The following MYO1B variants were observed in gnomAD, a reference collection of about 807,000 sequenced individuals.
MYO1B encodes unconventional myosin-Ib.
MYO1B carries 72 observed loss-of-function variants against 159.7 expected under a neutral mutation model. The observed-to-expected ratio is 0.45, with a 90% CI of 0.37 to 0.55. MYO1B has a LOEUF of 0.55. Ranked by LOEUF, MYO1B falls within the 20% of genes least tolerant of loss-of-function variation. The probability of loss-of-function intolerance (pLI) is 0.00; values close to 1 mark genes in which losing one functional copy is unlikely to be tolerated. For synonymous variants in MYO1B, 468 were observed against 473.8 expected, an observed-to-expected ratio of 0.99 and a Z score of 0.16; for missense variants, 1,062 against 1,364.8, an observed-to-expected ratio of 0.78 and a Z score of 3.50.
At chr2:191,336,860 T>C (rs529992987) in intron 4 of MYO1B, among the ~76,000 whole-genome samples, 39 of 152,206 alleles carry the variant, frequency 2.6e-4, no homozygotes, top group African/African-American at 8.7e-4. Context: ...TAGAAAAACT[T>C]TGGTGTCTTA....
chr2:191,285,320 G>A (rs573821736), intron 2 of MYO1B, among the ~76,000 whole-genome samples: 144 of 152,292 alleles, frequency 9.5e-4, no homozygotes, highest in Non-Finnish European at 1.6e-3. Flanking sequence ...CTCATATATA[G>A]TTCTTTAATT....
At chr2:191,368,974 C>T (rs767637225) in intron 11 of MYO1B, among the ~76,000 whole-genome samples, 5 of 151,164 alleles carry the variant, frequency 3.3e-5, no homozygotes, top group Non-Finnish European at 5.9e-5. Context: ...ATTCTGTCTC[C>T]AAAAAAATTT....
intron 21 of MYO1B, among the ~76,000 whole-genome samples, chr2:191,399,268 GGGGA>G (rs1314380304): frequency 1.4e-5 from 2 of 148,070 alleles, no homozygotes; most frequent in African/African-American, 5.0e-5. Context: ...AGGAGACCGT[GGGGA>G]GAGGGAGAGG....
intron 1 of MYO1B, among the ~76,000 whole-genome samples, chr2:191,264,319 C>CT (rs1686997858): frequency 6.6e-6 from 1 of 152,090 alleles, no homozygotes; most frequent in Admixed American, 6.5e-5. Context: ...GTTTATTGGA[C>CT]TTTATTTTAG....
intron 3 of MYO1B, among the ~76,000 whole-genome samples, chr2:191,305,509 C>T (rs1182769132): frequency 2.0e-5 from 3 of 152,224 alleles, no homozygotes; most frequent in Non-Finnish European, 4.4e-5. Context: ...GATCCCAGAT[C>T]CCCAAGTGCA....
chr2:191,294,109 A>G (rs1450335692), intron 2 of MYO1B, among the ~76,000 whole-genome samples: 1 of 152,214 alleles, frequency 6.6e-6, no homozygotes, highest in African/African-American at 2.4e-5. Context: ...GGGGGAAAAC[A>G]AACACACATA....
chr2:191,329,576 A>C (rs1691321865), intron 3 of MYO1B, among the ~76,000 whole-genome samples: 1 of 148,816 alleles, frequency 6.7e-6, no homozygotes, highest in African/African-American at 2.4e-5. Flanking sequence ...TGGGTTTATA[A>C]ATAAATAAAT....
chr2:191,301,305 T>C (rs1184663520), intron 3 of MYO1B, among the ~76,000 whole-genome samples: 1 of 152,200 alleles, frequency 6.6e-6, no homozygotes, highest in Non-Finnish European at 1.5e-5. Context: ...ACTGGATTCA[T>C]TGAGAACTGC....
intron 1 of MYO1B, among the ~76,000 whole-genome samples, chr2:191,265,952 G>C (rs945133542): frequency 2.0e-5 from 3 of 152,042 alleles, no homozygotes; most frequent in East Asian, 1.9e-4. Context: ...TGTGGCAGGT[G>C]GGGGGTCCAT....
chr2:191,289,325 G>GAGAAC (rs1293564828), intron 2 of MYO1B, among the ~76,000 whole-genome samples: 3 of 152,234 alleles, frequency 2.0e-5, no homozygotes, highest in African/African-American at 7.2e-5. Context: ...CTAATGAAAA[G>GAGAAC]AGAACAGATT....
At chr2:191,366,748 C>T (rs1312032423) in intron 11 of MYO1B, among the ~76,000 whole-genome samples, 1 of 152,058 alleles carries the variant, frequency 6.6e-6, no homozygotes, top group Non-Finnish European at 1.5e-5. Flanking sequence ...CTGCCTATCA[C>T]CCCCCATGTC....
In MYO1B at chr2:191,411,041, GTTTC is replaced by G. The variant is rs771955279; in HGVS notation, c.2767-18_2767-15del. 6.1e-5 allele frequency: 81 copies of G among 1,321,596 alleles called. No homozygotes were observed. The African/African-American group carries it at 7.6e-4, about 12-fold the overall frequency. 81.9% of individuals were successfully genotyped at this position (1,321,596 alleles called of 1,614,324 possible). ...AATTTATTTATATAAATGATGTTTT[GTTTC>G]TTTCTTCTCATATCTCACAGTGTAA... On this transcript the variant is annotated intron_variant, in intron 26 of 30. Transcript: ENST00000392318.
chr2:191,371,937 A>G (rs1302255493), intron 13 of MYO1B, among the ~76,000 whole-genome samples: 1 of 152,248 alleles, frequency 6.6e-6, no homozygotes, highest in Non-Finnish European at 1.5e-5. Context: ...CTTGGTAGAA[A>G]GGGAAGAATT....
chr2:191,281,733 A>G (rs1688074713), intron 2 of MYO1B, among the ~76,000 whole-genome samples: 2 of 152,210 alleles, frequency 1.3e-5, no homozygotes, highest in Admixed American at 1.3e-4. Flanking sequence ...AACAAGGCCC[A>G]GTACAAATTT....
At chr2:191,396,616 A>G (rs1368604392) in intron 21 of MYO1B, 119 bp downstream of exon 21, 1 of 925,262 alleles carries the variant, frequency 1.1e-6, no homozygotes, top group Non-Finnish European at 1.7e-6. Context: ...TCGCCTGTAA[A>G]CAGTCAGATG....
intron 30 of MYO1B, among the ~76,000 whole-genome samples, chr2:191,421,323 G>C (rs563322378): frequency 8.5e-5 from 13 of 152,192 alleles, no homozygotes; most frequent in Admixed American, 5.2e-4. Context: ...GACCACCTCA[G>C]CTTCCCAAAG....
chr2:191,336,837 A>G (rs542946968), intron 4 of MYO1B, among the ~76,000 whole-genome samples: 5 of 152,112 alleles, frequency 3.3e-5, no homozygotes, highest in Non-Finnish European at 7.4e-5. Flanking sequence ...CAGACCTACA[A>G]AAGCTCAATT....
intron 7 of MYO1B, among the ~76,000 whole-genome samples, chr2:191,350,902 G>T (rs1457249033): frequency 6.6e-5 from 10 of 152,064 alleles, no homozygotes; most frequent in Admixed American, 6.6e-4. Context: ...TGCCACACGG[G>T]GTTTTCAGTG....
At chr2:191,399,284 AGAGGGAGAG>A (rs1696450039) in intron 21 of MYO1B, among the ~76,000 whole-genome samples, 1 of 131,988 alleles carries the variant, frequency 7.6e-6, no homozygotes, top group Non-Finnish European at 1.7e-5. Context: ...AGGGAGAGGG[AGAGGGAGAG>A]GGAGAGGGAG....
Sources: allele counts gnomAD v4.1 joint callset (sites outside exome capture counted in the v4.1 genomes callset), GRCh38; gene constraint gnomAD v4.1.1; transcripts MANE v1.5; gene names NCBI Gene and HGNC (gene_info 2026-07-23, HGNC 2026-07-21).